Variants in NTNG1 observed in about 807,000 individuals in gnomAD.
The protein encoded by NTNG1 is netrin-G1.
A neutral mutation model predicts 54.0 loss-of-function variants in NTNG1; 16 were observed. The observed-to-expected ratio is 0.30, with a 90% confidence interval of 0.20 to 0.45. The LOEUF (loss-of-function observed/expected upper bound fraction) is 0.45, where lower values mean the gene tolerates loss of function less well. Ranked by LOEUF, NTNG1 falls within the 20% of genes least tolerant of loss-of-function variation. The pLI, the probability that NTNG1 is intolerant of heterozygous loss-of-function variation, is 1.00. For missense variants in NTNG1, 530 were observed against 678.7 expected, an observed-to-expected ratio of 0.78 and a Z score of 2.43; for synonymous variants, 255 against 263.1, an observed-to-expected ratio of 0.97 and a Z score of 0.30.
At chr1:107,370,495 T>C (rs1200670292) in intron 3 of NTNG1, among the ~76,000 whole-genome samples, 1 of 151,980 alleles carries the variant, frequency 6.6e-6, no homozygotes, top group African/African-American at 2.4e-5. Context: ...TTGTAGTCTT[T>C]TATCCCTCAC....
intron 2 of NTNG1, among the ~76,000 whole-genome samples, chr1:107,300,943 A>G (rs929993776): frequency 6.6e-6 from 1 of 152,152 alleles, no homozygotes; most frequent in African/African-American, 2.4e-5. Context: ...AGATTTATAA[A>G]TTCAAATAAT....
At chr1:107,282,614 A>G (rs535813869) in intron 2 of NTNG1, among the ~76,000 whole-genome samples, 6 of 152,216 alleles carry the variant, frequency 3.9e-5, no homozygotes, top group African/African-American at 1.4e-4. Context: ...AAACACTTTT[A>G]CCTGAAGAGA....
intron 2 of NTNG1, among the ~76,000 whole-genome samples, chr1:107,211,231 C>G (rs1659580210): frequency 6.6e-6 from 1 of 152,068 alleles, no homozygotes; most frequent in Non-Finnish European, 1.5e-5. Flanking sequence ...AATCTTTCTC[C>G]ACCTCTACTT....
At chr1:107,357,111 T>G (rs1308217603) in intron 3 of NTNG1, among the ~76,000 whole-genome samples, 1 of 152,172 alleles carries the variant, frequency 6.6e-6, no homozygotes, top group Non-Finnish European at 1.5e-5. Flanking sequence ...AATATAATTT[T>G]TAAATGCATT....
chr1:107,256,809 G>T (rs1217362159), intron 2 of NTNG1, among the ~76,000 whole-genome samples: 1 of 152,170 alleles, frequency 6.6e-6, no homozygotes, highest in South Asian at 2.1e-4. Flanking sequence ...GCAAATGAAG[G>T]ATTTAATCAA....
Position 107,218,176 on chromosome 1 carries a change from T to C in NTNG1, c.246+69337T>C, listed in dbSNP as rs577775847. On this transcript the variant is annotated intron_variant, in intron 2 of 7. Coordinates refer to ENST00000370068, the MANE Select transcript of NTNG1 (RefSeq NM_001113226.3). ...ATTTAGGACTGTGATATTTTCCTGTTGGACTAGTTCTTTTATCATTATGTA... is the reference window on the plus strand; with the variant it reads ...ATTTAGGACTGTGATATTTTCCTGTCGGACTAGTTCTTTTATCATTATGTA... Among the ~76,000 whole-genome samples the C allele has an allele frequency of 1.7e-3, 254 of 152,346 alleles. 1 individual carries two copies. The highest frequency in any genetic ancestry group is 5.8e-3 in the African/African-American group (240 of 41,586).
In NTNG1 at chr1:107,414,198, C is replaced by T. The variant is rs1417262425; in HGVS notation, c.1087+6490C>T. Among the ~76,000 whole-genome samples, 3 of 152,292 alleles carry T rather than the reference C, an allele frequency of 2.0e-5. No homozygotes were observed. The East Asian group carries it at 5.8e-4, about 29-fold the overall frequency. On this transcript the variant is annotated intron_variant, in intron 5 of 7. Coordinates refer to ENST00000370068, the MANE Select transcript of NTNG1 (RefSeq NM_001113226.3). Reference sequence around the variant, plus strand: ...GCAATTCTATCATAGTTTTCTTCAACTTACAATGCAGTGAGCTTTCCTTGG... The same window carrying T: ...GCAATTCTATCATAGTTTTCTTCAATTTACAATGCAGTGAGCTTTCCTTGG...
chr1:107,290,700 T>C (rs1665524153), intron 2 of NTNG1, among the ~76,000 whole-genome samples: 1 of 151,784 alleles, frequency 6.6e-6, no homozygotes, highest in Admixed American at 6.6e-5. Flanking sequence ...GGTGATTAAG[T>C]AGCTAATGAA....
At chr1:107,464,656 A>G (rs1489828146) in intron 7 of NTNG1, among the ~76,000 whole-genome samples, 1 of 152,184 alleles carries the variant, frequency 6.6e-6, no homozygotes, top group Non-Finnish European at 1.5e-5. Flanking sequence ...CAGCACATCC[A>G]GTGACAAGAA....
intron 2 of NTNG1, among the ~76,000 whole-genome samples, chr1:107,246,475 A>C (rs1570948349): frequency 6.6e-6 from 1 of 151,850 alleles, no homozygotes; most frequent in Non-Finnish European, 1.5e-5. Context: ...AAATGATACT[A>C]TTATAAATAT....
At chr1:107,153,891 G>A (rs1342720851) in intron 2 of NTNG1, among the ~76,000 whole-genome samples, 1 of 152,218 alleles carries the variant, frequency 6.6e-6, no homozygotes, top group Non-Finnish European at 1.5e-5. Flanking sequence ...GGAAGGAGCT[G>A]ATGAAGATTA....
At chr1:107,287,730 G>C (rs1378085613) in intron 2 of NTNG1, among the ~76,000 whole-genome samples, 1 of 152,152 alleles carries the variant, frequency 6.6e-6, no homozygotes, top group Non-Finnish European at 1.5e-5. Flanking sequence ...ATGGTTAGGA[G>C]CAGAGATTTA....
At chr1:107,166,776 G>A (rs569066253) in intron 2 of NTNG1, among the ~76,000 whole-genome samples, 12 of 152,010 alleles carry the variant, frequency 7.9e-5, no homozygotes, top group African/African-American at 2.9e-4. Context: ...TAACATACCA[G>A]ACCCTTGGAT....
At chr1:107,442,778 G>T (rs1489618413) in intron 7 of NTNG1, among the ~76,000 whole-genome samples, 1 of 152,132 alleles carries the variant, frequency 6.6e-6, no homozygotes, top group East Asian at 1.9e-4. Flanking sequence ...ATGTAAGAGA[G>T]TCCCTTCTTT....
chr1:107,221,138 A>T (rs965678432), intron 2 of NTNG1, among the ~76,000 whole-genome samples: 2 of 152,150 alleles, frequency 1.3e-5, no homozygotes, highest in African/African-American at 4.8e-5. Flanking sequence ...GCCTATTTTT[A>T]GGTTAAACAA....
chr1:107,419,197 ACTCC>A (rs1437731613), intron 5 of NTNG1, among the ~76,000 whole-genome samples: 1 of 135,380 alleles, frequency 7.4e-6, no homozygotes, highest in African/African-American at 2.8e-5. Context: ...ACCCTTTCTC[ACTCC>A]CTGTCTCCTC....
intron 3 of NTNG1, among the ~76,000 whole-genome samples, chr1:107,389,226 C>A (rs575029423): frequency 2.0e-5 from 3 of 152,328 alleles, no homozygotes; most frequent in African/African-American, 7.2e-5. Flanking sequence ...TCCTATGGCA[C>A]AAAAGTAACC....
chr1:107,320,033 G>T (rs1359686735), intron 2 of NTNG1, among the ~76,000 whole-genome samples: 1 of 151,998 alleles, frequency 6.6e-6, no homozygotes, highest in Non-Finnish European at 1.5e-5. Flanking sequence ...AATTCTGAAA[G>T]CGTATTAAGG....
intron 3 of NTNG1, among the ~76,000 whole-genome samples, chr1:107,355,327 A>G (rs1272724215): frequency 6.6e-6 from 1 of 151,288 alleles, no homozygotes; most frequent in African/African-American, 2.4e-5. Context: ...TGATTCTCAC[A>G]TAAGGCAGTA....
Sources: gnomAD v4.1 joint callset for allele counts (sites outside exome capture counted in the v4.1 genomes callset) on GRCh38, gnomAD v4.1.1 for gene constraint, MANE v1.5 for transcripts, NCBI Gene and HGNC (gene_info 2026-07-23, HGNC 2026-07-21) for gene names.